LZTFL1: variants seen among roughly 807,000 people sequenced by gnomAD.
LZTFL1 encodes the protein leucine zipper transcription factor-like protein 1.
Under a neutral mutation model 45.9 loss-of-function variants are expected in LZTFL1, and 25 were observed. The observed-to-expected ratio is 0.54, with a 90% CI of 0.40 to 0.76. LZTFL1 has a LOEUF of 0.76. Ranked by LOEUF, LZTFL1 falls within the 30% of genes least tolerant of loss-of-function variation. The pLI, the probability that LZTFL1 is intolerant of heterozygous loss-of-function variation, is 0.00. For synonymous variants in LZTFL1, 93 were observed against 117.4 expected (o/e 0.79, Z 1.35); for missense variants, 277 against 331.1 (o/e 0.84, Z 1.27).
intron 2 of LZTFL1, among the ~76,000 whole-genome samples, chr3:45,865,593 C>G (rs1475152590): frequency 1.3e-5 from 2 of 152,240 alleles, no homozygotes; most frequent in African/African-American, 4.8e-5. Context: ...TTTTCTTACT[C>G]TATATTTCTG....
rs144487210 is a variant in LZTFL1 at position 45,839,446 on chromosome 3, A to C, written c.4-1395T>G. Among the ~76,000 whole-genome samples the C allele has an allele frequency of 4.6e-3, 697 of 152,292 alleles. 3 individuals carry two copies. Among genetic ancestry groups the C allele is most frequent in the Middle Eastern group, 0.02 (6 of 294 alleles). ...TTACATTTACACTCTTTGCTCTCCCAAAACCTCCCAAACTCTCTTACCCTG... is the reference window on the plus strand; with the variant it reads ...TTACATTTACACTCTTTGCTCTCCCCAAACCTCCCAAACTCTCTTACCCTG... On this transcript the variant is annotated intron_variant, in intron 1 of 9. Coordinates refer to ENST00000296135, the MANE Select transcript of LZTFL1 (RefSeq NM_020347.4).
At position 45,879,570 on chromosome 3, in the gene LZTFL1, A is replaced by T. The variant is rs1701815006; in HGVS notation, c.-214-20554T>A. Reference sequence around the variant, plus strand: ...GGGCAATGAAACTATTCTGTATGTTATTTTAATGGTGGATACATGTCATAC... The same window carrying T: ...GGGCAATGAAACTATTCTGTATGTTTTTTTAATGGTGGATACATGTCATAC... On this transcript the variant is annotated intron_variant, in intron 2 of 4. Coordinates refer to the LZTFL1 transcript ENST00000472635. Among the ~76,000 whole-genome samples, 3 of 152,246 alleles carry T rather than the reference A, an allele frequency of 2.0e-5. No individual in the cohort carries two copies. The South Asian group carries it at 6.2e-4, about 32-fold the overall frequency.
chr3:45,831,454 G>A (rs1045127183), intron 5 of LZTFL1, among the ~76,000 whole-genome samples: 6 of 151,984 alleles, frequency 3.9e-5, no homozygotes, highest in Admixed American at 3.9e-4. Flanking sequence ...CTCCTAGCTG[G>A]TCCTGCAAAT....
At chr3:45,854,902 T>A (rs1289374570) in intron 4 of LZTFL1, 1 of 958,568 alleles carries the variant, frequency 1.0e-6, no homozygotes, top group African/African-American at 1.7e-5. Context: ...GTCCCATTCA[T>A]CTAATCTGGA....
At position 45,826,271 on chromosome 3, in the gene LZTFL1, T is replaced by C; in HGVS notation, c.*43A>G. On this transcript the variant is annotated 3_prime_UTR_variant, in exon 10 of 10. Coordinates refer to ENST00000296135, the MANE Select transcript of LZTFL1 (RefSeq NM_020347.4). ...AAATACATGCCTGAGGTGAGACTGCTTGTATGTTTGCATGTGGTAGCTTCC... is the reference window on the plus strand; with the variant it reads ...AAATACATGCCTGAGGTGAGACTGCCTGTATGTTTGCATGTGGTAGCTTCC... The C allele has an allele frequency of 6.3e-7, 1 of 1,588,368 alleles. No homozygotes were observed. Among genetic ancestry groups the C allele is most frequent in the Non-Finnish European group, 8.6e-7 (1 of 1,157,092 alleles).
At chr3:45,905,058 A>G (rs1702653639) in intron 2 of LZTFL1, among the ~76,000 whole-genome samples, 1 of 152,206 alleles carries the variant, frequency 6.6e-6, no homozygotes, top group South Asian at 2.1e-4. Flanking sequence ...ACTTTGAAAA[A>G]AGAGAAGTAA....
At chr3:45,913,546 T>A (rs1010965275) in intron 1 of LZTFL1, among the ~76,000 whole-genome samples, 1 of 152,230 alleles carries the variant, frequency 6.6e-6, no homozygotes, top group African/African-American at 2.4e-5. Context: ...GAGATAAACA[T>A]AAATGATACT....
chr3:45,854,124 A>C (rs1701349542), intron 4 of LZTFL1, among the ~76,000 whole-genome samples: 1 of 152,140 alleles, frequency 6.6e-6, no homozygotes, highest in South Asian at 2.1e-4. Flanking sequence ...CTTGCTGTCC[A>C]TGTTTGGCTC....
intron 2 of LZTFL1, chr3:45,903,160 A>G (rs888356205): frequency 6.0e-6 from 1 of 167,214 alleles, no homozygotes; most frequent in Non-Finnish European, 1.5e-5. Flanking sequence ...GCAATTAAAG[A>G]TCAAATAGAT....
chr3:45,875,365 T>C lies in LZTFL1; in HGVS notation c.-214-16349A>G, dbSNP rs541314003. Among the ~76,000 whole-genome samples, 4 of 152,338 alleles carry C rather than the reference T, an allele frequency of 2.6e-5. No individual in the cohort carries two copies. In the South Asian group the frequency reaches 8.3e-4, roughly 32 times the overall value. ...TGCAAATGCCTAGTGTGTTGCTATA[T>C]ATCAGGAGGAGTATCTAATAACTCA... On this transcript the variant is annotated intron_variant, in intron 2 of 4. Transcript: ENST00000472635.
At chr3:45,842,294 C>T, upstream of LZTFL1, 2 of 765,318 alleles carry the variant, frequency 2.6e-6, no homozygotes, top group Non-Finnish European at 2.0e-6. Context: ...ACTGCAGTTG[C>T]AGAAGGTAGC....
chr3:45,830,981 C>T lies in LZTFL1; in HGVS notation c.532G>A (p.Ala178Thr). The change falls in exon 7 of 10, where the codon GCA (alanine) becomes ACA (threonine). Residue 178 changes from alanine to threonine, a missense_variant. Physicochemically the swap from Ala to Thr is moderately conservative, Grantham distance 58. Transcript: ENST00000296135. ...TCTAGTTTTGACTTTTCATCCAGTG[C>T]ATTTGTAGCCTATAGTGAAGTTTAA... ...LKTIEIQATN[A>T]LDEKSKLEKA... is the part of the protein sequence containing the mutation. 1 of 1,613,786 alleles carries T rather than the reference C, an allele frequency of 6.2e-7. No homozygotes were observed. The highest frequency in any genetic ancestry group is 8.5e-7 in the Non-Finnish European group (1 of 1,179,736).
chr3:45,830,082 G>A (rs1700775755), intron 7 of LZTFL1, among the ~76,000 whole-genome samples: 1 of 152,160 alleles, frequency 6.6e-6, no homozygotes, highest in Non-Finnish European at 1.5e-5. Flanking sequence ...AGAGTGCATG[G>A]GGGTTCATTA....
chr3:45,855,092 G>A (rs1403885708), intron 3 of LZTFL1: 17 of 1,433,972 alleles, frequency 1.2e-5, no homozygotes, highest in Non-Finnish European at 1.5e-5. Context: ...ATGAGAGTTC[G>A]AGTTAAAAAT....
At chr3:45,908,419 G>A (rs368785376) in intron 2 of LZTFL1, among the ~76,000 whole-genome samples, 1 of 152,200 alleles carries the variant, frequency 6.6e-6, no homozygotes, top group South Asian at 2.1e-4. Flanking sequence ...GGTGAGCAAC[G>A]GCAGACACAG....
In LZTFL1 at chr3:45,901,532, C is replaced by T; in HGVS notation, c.-215+11588G>A. The T allele has an allele frequency of 6.2e-7, 1 of 1,614,206 alleles. No individual in the cohort carries two copies. The highest frequency in any genetic ancestry group is 8.5e-7 in the Non-Finnish European group (1 of 1,180,032). ...CCCTGATACAAGCCAAGAAGTCTTC[C>T]AAGCACAAAGCCCTAAAAGTGACCA... On this transcript the variant is annotated intron_variant, in intron 2 of 4. Transcript: ENST00000472635. This position sits in a 1 kb window ranked among gnomAD's most constrained non-coding sequence, Gnocchi z 4.3.
At position 45,828,530 on chromosome 3, in the gene LZTFL1, T is replaced by C. The variant is rs1284928997; in HGVS notation, c.686A>G (p.Lys229Arg). The C allele has an allele frequency of 1.1e-5, 17 of 1,614,232 alleles. No homozygotes were observed. The highest frequency in any genetic ancestry group is 1.4e-5 in the Non-Finnish European group (16 of 1,180,020). The change falls in exon 8 of 10, where the codon AAG becomes AGG. Residue 229 changes from lysine (K) to arginine (R), a missense_variant. By Grantham distance (26) the Lys-to-Arg change is conservative. Coordinates refer to ENST00000296135, the MANE Select transcript of LZTFL1 (RefSeq NM_020347.4). ...CTCCAGTGACTTCTGGTTTTCTGTCTTGTCATTAAGTGTCTTCTGAAACTC... is the reference window on the plus strand; with the variant it reads ...CTCCAGTGACTTCTGGTTTTCTGTCCTGTCATTAAGTGTCTTCTGAAACTC... ...KSEFQKTLND[K>R]TENQKSLEEN...
chr3:45,909,970 G>A (rs1024249792), intron 2 of LZTFL1, among the ~76,000 whole-genome samples: 1 of 152,222 alleles, frequency 6.6e-6, no homozygotes, highest in African/African-American at 2.4e-5. Flanking sequence ...GCAGAGTTAA[G>A]TGGCTAAAAG....
intron 2 of LZTFL1, among the ~76,000 whole-genome samples, chr3:45,868,150 T>TA (rs1274106094): frequency 6.8e-6 from 1 of 147,486 alleles, no homozygotes; most frequent in African/African-American, 2.4e-5. Flanking sequence ...TGTGCACATG[T>TA]ACCCTAGAAC....
Sources: allele counts gnomAD v4.1 joint callset (sites outside exome capture counted in the v4.1 genomes callset), GRCh38; gene constraint gnomAD v4.1.1; non-coding constraint Gnocchi (gnomAD v3.1); transcripts MANE v1.5; gene names NCBI Gene and HGNC (gene_info 2026-07-23, HGNC 2026-07-21).